The following MIPOL1 variants were observed in gnomAD, a reference collection of about 807,000 sequenced individuals.
MIPOL1 encodes mirror-image polydactyly 1, also known as mirror-image polydactyly gene 1 protein.
A neutral mutation model predicts 60.9 loss-of-function variants in MIPOL1; 57 were observed. That is an observed-to-expected ratio of 0.94 (90% CI 0.76 to 1.17). The LOEUF (loss-of-function observed/expected upper bound fraction) is 1.17, where lower values mean the gene tolerates loss of function less well. MIPOL1 is among the 50% of genes most tolerant of loss of function. The pLI is 0.00. For synonymous variants in MIPOL1, 179 were observed against 168.8 expected, an observed-to-expected ratio of 1.06 and a Z score of -0.47; for missense variants, 551 against 511.6, an observed-to-expected ratio of 1.08 and a Z score of -0.74.
intron 12 of MIPOL1, chr14:37,523,530 A>G: frequency 2.3e-6 from 1 of 430,560 alleles, no homozygotes; most frequent in Non-Finnish European, 4.1e-6. Context: ...AAAAATTCCT[A>G]ATGGATAAAA....
chr14:37,369,244 T>C (rs956642463), intron 9 of MIPOL1, among the ~76,000 whole-genome samples: 2 of 152,084 alleles, frequency 1.3e-5, no homozygotes, highest in Non-Finnish European at 2.9e-5. Flanking sequence ...TAATTTTAAA[T>C]ATGGTTTGAC....
intron 3 of MIPOL1, among the ~76,000 whole-genome samples, chr14:37,252,075 G>C (rs1056320743): frequency 4.0e-5 from 6 of 151,524 alleles, no homozygotes; most frequent in Non-Finnish European, 5.9e-5. Flanking sequence ...GAAATGATGA[G>C]AATTATACCT....
intron 10 of MIPOL1, among the ~76,000 whole-genome samples, chr14:37,384,959 A>G (rs983615513): frequency 2.6e-4 from 40 of 152,092 alleles, no homozygotes; most frequent in African/African-American, 9.6e-4. Context: ...TCTGTAAATG[A>G]TTTCTACTCC....
chr14:37,465,144 A>C (rs2094583350), intron 11 of MIPOL1, among the ~76,000 whole-genome samples: 1 of 152,290 alleles, frequency 6.6e-6, no homozygotes, highest in East Asian at 1.9e-4. Context: ...CAGAAATACT[A>C]ATTTAAAAAC....
intron 12 of MIPOL1, chr14:37,502,923 C>A (rs2095235029): frequency 1.3e-5 from 2 of 152,096 alleles, no homozygotes; most frequent in South Asian, 4.1e-4. Flanking sequence ...TAGAGAAGAC[C>A]TTAAATGACC....
At chr14:37,201,317 T>C (rs1965304417) in intron 1 of MIPOL1, among the ~76,000 whole-genome samples, 2 of 152,162 alleles carry the variant, frequency 1.3e-5, no homozygotes, top group African/African-American at 4.8e-5. Flanking sequence ...GCCAGTTTGA[T>C]TCTTGTCTGA....
At chr14:37,338,483 A>T (rs1288197645) in intron 9 of MIPOL1, among the ~76,000 whole-genome samples, 2 of 148,272 alleles carry the variant, frequency 1.3e-5, no homozygotes, top group Non-Finnish European at 1.5e-5. Flanking sequence ...ATCTCGGCTC[A>T]CTGCAACCTC....
intron 11 of MIPOL1, among the ~76,000 whole-genome samples, chr14:37,493,699 A>C (rs989045524): frequency 6.6e-6 from 1 of 152,208 alleles, no homozygotes; most frequent in Admixed American, 6.5e-5. Flanking sequence ...ATATAATTTT[A>C]AAACTGGAAG....
intron 10 of MIPOL1, chr14:37,399,777 A>G (rs1337043348): frequency 6.6e-6 from 1 of 152,228 alleles, no homozygotes; most frequent in Non-Finnish European, 1.5e-5. Context: ...AACTGCAGAA[A>G]GCAGATAATC....
At chr14:37,506,937 G>C (rs1820267516) in intron 12 of MIPOL1, 1 of 152,028 alleles carries the variant, frequency 6.6e-6, no homozygotes, top group African/African-American at 2.4e-5. Flanking sequence ...TCAAAAAGTG[G>C]GCCAAGGATA....
At chr14:37,349,057 C>T (rs1244325690) in intron 9 of MIPOL1, among the ~76,000 whole-genome samples, 5 of 131,676 alleles carry the variant, frequency 3.8e-5, no homozygotes, top group Admixed American at 1.9e-4. Context: ...GGCAGAATCT[C>T]GGCTCACTGC....
chr14:37,528,272 T>C, intron 12 of MIPOL1, among the ~76,000 whole-genome samples: 1 of 152,136 alleles, frequency 6.6e-6, no homozygotes, highest in Non-Finnish European at 1.5e-5. Context: ...CCTATGTTAT[T>C]ATATATAATC....
intron 11 of MIPOL1, among the ~76,000 whole-genome samples, chr14:37,461,755 A>G (rs1184046069): frequency 6.6e-6 from 1 of 152,178 alleles, no homozygotes; most frequent in Admixed American, 6.5e-5. Context: ...GTCACATCTT[A>G]AAGCTCCAAA....
At chr14:37,356,241 A>C (rs1036092343) in intron 9 of MIPOL1, among the ~76,000 whole-genome samples, 5 of 151,746 alleles carry the variant, frequency 3.3e-5, no homozygotes, top group African/African-American at 9.7e-5. Flanking sequence ...TCAGGGACCC[A>C]CTTGAGGAGT....
intron 6 of MIPOL1, among the ~76,000 whole-genome samples, chr14:37,274,090 TTAA>T (rs2083473890): frequency 6.6e-6 from 1 of 151,520 alleles, no homozygotes; most frequent in Admixed American, 6.6e-5. Context: ...TATTGGATTA[TTAA>T]TAAAATCACA....
chr14:37,390,396 A>G (rs1483981634), intron 10 of MIPOL1, among the ~76,000 whole-genome samples: 1 of 152,160 alleles, frequency 6.6e-6, no homozygotes, highest in African/African-American at 2.4e-5. Context: ...AAGACATTCC[A>G]TTGAAAATTA....
At chr14:37,380,454 A>G (rs1213833277) in intron 10 of MIPOL1, among the ~76,000 whole-genome samples, 3 of 152,154 alleles carry the variant, frequency 2.0e-5, no homozygotes, top group African/African-American at 7.2e-5. Flanking sequence ...ATGGATTATA[A>G]CACCAGGTAT....
intron 6 of MIPOL1, among the ~76,000 whole-genome samples, chr14:37,279,110 A>G (rs2083898700): frequency 6.6e-6 from 1 of 151,418 alleles, no homozygotes. Context: ...TGGCTTACAT[A>G]GTAGCTAATA....
At chr14:37,297,762 T>G (rs1219134578) in intron 7 of MIPOL1, among the ~76,000 whole-genome samples, 1 of 151,778 alleles carries the variant, frequency 6.6e-6, no homozygotes, top group African/African-American at 2.4e-5. Context: ...TGTGAAGGAC[T>G]TCTTCAAGGA....
Sources: allele counts gnomAD v4.1 joint callset (sites outside exome capture counted in the v4.1 genomes callset), GRCh38; gene constraint gnomAD v4.1.1; transcripts MANE v1.5; gene names NCBI Gene and HGNC (gene_info 2026-07-23, HGNC 2026-07-21).